The following NCBP1 variants were observed in gnomAD, a reference collection of about 807,000 sequenced individuals.
NCBP1 encodes nuclear cap-binding protein subunit 1.
In NCBP1, 16 loss-of-function variants were observed where a neutral mutation model predicts 111.7. The observed-to-expected ratio is 0.14, with a 90% CI of 0.10 to 0.22. The LOEUF is 0.22. Among genes scored for constraint, NCBP1 ranks in the 10% least tolerant of loss-of-function variants. The pLI, the probability that NCBP1 is intolerant of heterozygous loss-of-function variation, is 1.00. For synonymous variants in NCBP1, 304 were observed against 314.3 expected, an observed-to-expected ratio of 0.97 and a Z score of 0.35; for missense variants, 607 against 957.5, an observed-to-expected ratio of 0.63 and a Z score of 4.83.
In NCBP1 at chr9:97,664,342, G is replaced by T. The variant is rs1455413094; in HGVS notation, c.1800G>T (p.Met600Ile). 2.5e-6 allele frequency: 4 copies of T among 1,595,032 alleles called. No homozygotes were observed. In the African/African-American group the frequency reaches 5.4e-5, roughly 21 times the overall value. Residue 600 changes from methionine (M) to isoleucine (I), a missense_variant and splice_region_variant, in exon 19 of 23, where the codon ATG (methionine) becomes ATT (isoleucine). Coordinates refer to ENST00000375147, the MANE Select transcript of NCBP1 (RefSeq NM_002486.5). ...MFEVWRNHPQ[M>I]IAVLVDKMIR... ...CTTGAATAATTCTCTCATTGTAGAT[G>T]ATTGCTGTACTAGTGGATAAGATGA...
chr9:97,638,310 T>G (rs1365110181), intron 1 of NCBP1, among the ~76,000 whole-genome samples: 1 of 152,216 alleles, frequency 6.6e-6, no homozygotes, highest in Non-Finnish European at 1.5e-5. Flanking sequence ...ATAGCCAAAA[T>G]GAACAAAGGG....
rs771275696 is a variant in NCBP1 at position 97,633,843 on chromosome 9, C to A, written c.-39C>A. On this transcript the variant is annotated 5_prime_UTR_variant, in exon 1 of 23. Transcript: ENST00000375147. The stretch of plus-strand genomic sequence containing the variant: ...GCCAGACAGTTCCTGCAGCGCTTAC[C>A]GCCTGGCCTCTCGGTTCCGCGGCGC... 1 of 1,565,588 alleles carries A rather than the reference C, an allele frequency of 6.4e-7. No individual in the cohort carries two copies. Among genetic ancestry groups the A allele is most frequent in the East Asian group, 2.3e-5 (1 of 42,640 alleles).
At chr9:97,662,870 GAGT>G (rs1478544132) in intron 17 of NCBP1, 81 bp from the exon 18 acceptor site, 1 of 987,840 alleles carries the variant, frequency 1.0e-6, no homozygotes, top group Non-Finnish European at 1.5e-6. Flanking sequence ...ATTATAAATT[GAGT>G]AACATTGAAA....
chr9:97,645,750 A>G lies in NCBP1; in HGVS notation c.611+18A>G, dbSNP rs372940322. On this transcript the variant is annotated intron_variant, in intron 6 of 22. Coordinates refer to ENST00000375147, the MANE Select transcript of NCBP1 (RefSeq NM_002486.5). ...TATCTTAAGTAAGGGCACAGCTCATAGTACTCTTTGTTGCTTAGGTAAAGG... is the reference window on the plus strand; with the variant it reads ...TATCTTAAGTAAGGGCACAGCTCATGGTACTCTTTGTTGCTTAGGTAAAGG... 2 of 1,612,140 alleles carry G rather than the reference A, an allele frequency of 1.2e-6. No individual in the cohort carries two copies. Among genetic ancestry groups the G allele is most frequent in the African/African-American group, 2.7e-5 (2 of 74,906 alleles).
At chr9:97,643,383 A>G (rs200943258) in intron 4 of NCBP1, 23 bp downstream of exon 4, 3 of 1,573,038 alleles carry the variant, frequency 1.9e-6, no homozygotes, top group Admixed American at 1.9e-5. Context: ...GTTTGTTGGT[A>G]TGTTATGACT....
chr9:97,665,917 AAG>A (rs1827989767), intron 19 of NCBP1, among the ~76,000 whole-genome samples: 1 of 152,148 alleles, frequency 6.6e-6, no homozygotes, highest in African/African-American at 2.4e-5. Context: ...AATAAATCAT[AAG>A]AGAGGAAACA....
chr9:97,665,362 C>T (rs181796624), intron 19 of NCBP1, among the ~76,000 whole-genome samples: 10 of 152,294 alleles, frequency 6.6e-5, no homozygotes, highest in Middle Eastern at 3.4e-3. Flanking sequence ...ACCGCATCAC[C>T]GTAGAGAAGG....
Position 97,671,502 on chromosome 9 carries a change from G to GA in NCBP1, c.*306dup, listed in dbSNP as rs557037821. On this transcript the variant is annotated 3_prime_UTR_variant, in exon 23 of 23. Transcript: ENST00000375147. Reference sequence around the variant, plus strand: ...ACAAAATAATTGGTTTGAGGTATGTGAAACACTAGAGGTCAACCTTACATA... The same window carrying GA: ...ACAAAATAATTGGTTTGAGGTATGTGAAAACACTAGAGGTCAACCTTACATA... 52 of 272,114 alleles carry GA rather than the reference G, an allele frequency of 1.9e-4. No homozygotes were observed. Among genetic ancestry groups the GA allele is most frequent in the African/African-American group, 1.1e-3 (51 of 44,428 alleles). 16.9% of individuals were successfully genotyped at this position (272,114 alleles called of 1,614,324 possible).
At chr9:97,663,329 A>G (rs1274307637) in intron 18 of NCBP1, among the ~76,000 whole-genome samples, 3 of 152,230 alleles carry the variant, frequency 2.0e-5, no homozygotes, top group African/African-American at 7.2e-5. Flanking sequence ...TGCAAGCTCC[A>G]GATTTCTCAA....
intron 14 of NCBP1, among the ~76,000 whole-genome samples, 188 bp downstream of exon 14, chr9:97,656,273 C>G (rs1827650917): frequency 6.6e-6 from 1 of 152,252 alleles, no homozygotes; most frequent in East Asian, 1.9e-4. Context: ...TGAATTTAAG[C>G]CAATAAGTTC....
chr9:97,651,614 T>C (rs1254269015), intron 10 of NCBP1, among the ~76,000 whole-genome samples: 1 of 152,234 alleles, frequency 6.6e-6, no homozygotes, highest in Non-Finnish European at 1.5e-5. Flanking sequence ...AAGTTATTTA[T>C]ATAGTATGTC....
chr9:97,668,910 G>A lies in NCBP1; in HGVS notation c.2081G>A (p.Arg694Gln), dbSNP rs1213983150. ...KDGVLEEQIE[R>Q]LQEKVESAQS... is the part of the protein sequence containing the mutation. The stretch of plus-strand genomic sequence containing the variant: ...GGGGTTCTTGAGGAACAAATAGAAC[G>A]ACTTCAGGAAAAAGTGGAATCTGCT... The change falls in exon 21 of 23, where the codon CGA becomes CAA. Residue 694 changes from arginine to glutamine, a missense_variant. Arg to Gln is a conservative substitution (Grantham distance 43, BLOSUM62 1). Transcript: ENST00000375147. 5 of 1,612,706 alleles carry A rather than the reference G, an allele frequency of 3.1e-6. No individual in the cohort carries two copies. Among genetic ancestry groups the A allele is most frequent in the South Asian group, 1.1e-5 (1 of 91,014 alleles).
Position 97,649,344 on chromosome 9 carries a change from C to T in NCBP1, c.897+1121C>T, listed in dbSNP as rs141233677. Among the ~76,000 whole-genome samples, 1,376 of 152,246 alleles carry T rather than the reference C, an allele frequency of 9.0e-3. 4 individuals carry two copies. Among genetic ancestry groups the T allele is most frequent in the Non-Finnish European group, 0.015 (995 of 68,012 alleles). ...TCCCTGATCTCTACCCTCTAAATGT[C>T]AATAGCACTCTCCCTGCCTCAGTTT... is the stretch of plus-strand genomic sequence containing the variant. On this transcript the variant is annotated intron_variant, in intron 8 of 22. Coordinates refer to ENST00000375147, the MANE Select transcript of NCBP1 (RefSeq NM_002486.5).
At position 97,662,352 on chromosome 9, in the gene NCBP1, G is replaced by A. The variant is rs552809436; in HGVS notation, c.1703+208G>A. 6.8e-4 allele frequency among the ~76,000 whole-genome samples: 103 copies of A among 152,320 alleles called. 2 individuals are homozygous for A. The highest frequency in any genetic ancestry group is 2.0e-3 in the Admixed American group (30 of 15,310). On this transcript the variant is annotated intron_variant, in intron 17 of 22. Transcript: ENST00000375147. Reference sequence around the variant, plus strand: ...TACAGTTGGCATATGTACATGGTAAGTGCTTTTTTTCATATAGACATTTAA... The same window carrying A: ...TACAGTTGGCATATGTACATGGTAAATGCTTTTTTTCATATAGACATTTAA...
In NCBP1 at chr9:97,671,904, C is replaced by G. The variant is rs1054375740; in HGVS notation, c.*705C>G. On this transcript the variant is annotated 3_prime_UTR_variant, in exon 23 of 23. Transcript: ENST00000375147. ...ATCCTCAGTAATCCTTAAAGTTTCC[C>G]CAGGTGATTCCAGGTTTGGTCACCA... The G allele has an allele frequency of 2.0e-5, 3 of 152,180 alleles. No individual in the cohort carries two copies. The highest frequency in any genetic ancestry group is 4.4e-5 in the Non-Finnish European group (3 of 68,048). The allele number at this position is 152,180 out of a possible 1,614,324, so 9.4% of individuals were successfully genotyped here.
chr9:97,640,873 A>C lies in NCBP1; in HGVS notation c.114A>C (p.Val38=), dbSNP rs1423047979. The C allele has an allele frequency of 1.9e-6, 3 of 1,602,016 alleles. No individual in the cohort carries two copies. In the African/African-American group the frequency reaches 4.0e-5, roughly 22 times the overall value. ...EDHLESLICK[V]GEKSACSLES... ...ATTTGGAATCTTTAATATGTAAAGT[A>C]GGAGAAAAGGTATGTCACACAATAG... The change falls in exon 2 of 23, where the codon GTA becomes GTC. Residue 38 remains valine (V), a synonymous_variant. Transcript: ENST00000375147.
At chr9:97,669,199 C>T (rs1828101651) in intron 21 of NCBP1, among the ~76,000 whole-genome samples, 1 of 151,166 alleles carries the variant, frequency 6.6e-6, no homozygotes, top group Non-Finnish European at 1.5e-5. Context: ...AGCATTTCTC[C>T]ATGCTTGAAA....
intron 20 of NCBP1, 61 bp from the exon 21 acceptor site, chr9:97,668,785 A>C (rs1828088733): frequency 6.4e-7 from 1 of 1,552,608 alleles, no homozygotes; most frequent in Non-Finnish European, 8.7e-7. Flanking sequence ...CTTCCCCTGG[A>C]GGAGATTTAA....
chr9:97,658,057 A>G (rs976811189), intron 14 of NCBP1, among the ~76,000 whole-genome samples: 1 of 151,152 alleles, frequency 6.6e-6, no homozygotes, highest in Admixed American at 6.6e-5. Flanking sequence ...ATGGAGCCCT[A>G]GTTTCTAGTA....
Sources: gnomAD v4.1 joint callset for allele counts (sites outside exome capture counted in the v4.1 genomes callset) on GRCh38, gnomAD v4.1.1 for gene constraint, MANE v1.5 for transcripts, NCBI Gene and HGNC (gene_info 2026-07-23, HGNC 2026-07-21) for gene names.